Variants in PPP2R2B observed in about 807,000 individuals in gnomAD.
The protein encoded by PPP2R2B is protein phosphatase 2 regulatory subunit Bbeta.
Under a neutral mutation model 46.0 loss-of-function variants are expected in PPP2R2B, and 5 were observed. That is an observed-to-expected ratio of 0.11 (90% CI 0.06 to 0.23). The LOEUF (loss-of-function observed/expected upper bound fraction) is 0.23. Among genes scored for constraint, PPP2R2B ranks in the 10% least tolerant of loss-of-function variants. The pLI, the probability that PPP2R2B is intolerant of heterozygous loss-of-function variation, is 1.00. For missense variants in PPP2R2B, 367 were observed against 575.0 expected, an observed-to-expected ratio of 0.64 and a Z score of 3.70; for synonymous variants, 215 against 206.7, an observed-to-expected ratio of 1.04 and a Z score of -0.34.
At chr5:146,935,844 T>C (rs547799197) in intron 1 of PPP2R2B, among the ~76,000 whole-genome samples, 10 of 152,204 alleles carry the variant, frequency 6.6e-5, no homozygotes, top group Non-Finnish European at 1.3e-4. Flanking sequence ...GGTCTGCATA[T>C]GCTTGGACTC....
At chr5:147,057,279 T>C (rs1757118837), upstream of PPP2R2B, among the ~76,000 whole-genome samples, 1 of 152,192 alleles carries the variant, frequency 6.6e-6, no homozygotes, top group South Asian at 2.1e-4. Flanking sequence ...ATTACCTCCT[T>C]AGACCCAGGG....
intron 1 of PPP2R2B, among the ~76,000 whole-genome samples, chr5:146,997,317 C>T (rs1469505385): frequency 6.6e-6 from 1 of 152,180 alleles, no homozygotes; most frequent in Non-Finnish European, 1.5e-5. Flanking sequence ...TCTACTCTGA[C>T]CCCTGGTAAA....
chr5:146,965,138 G>A (rs1752346996), intron 1 of PPP2R2B, among the ~76,000 whole-genome samples: 1 of 152,118 alleles, frequency 6.6e-6, no homozygotes, highest in Non-Finnish European at 1.5e-5. Context: ...CAGTCACTCA[G>A]TTAGTTTGAT....
chr5:146,657,990 C>T (rs1031410807), intron 5 of PPP2R2B, among the ~76,000 whole-genome samples: 1 of 152,172 alleles, frequency 6.6e-6, no homozygotes, highest in East Asian at 1.9e-4. Context: ...CCAGATAAGG[C>T]CTTCAACAAA....
chr5:146,655,973 A>G (rs778291100), intron 5 of PPP2R2B, among the ~76,000 whole-genome samples: 1 of 152,148 alleles, frequency 6.6e-6, no homozygotes, highest in Non-Finnish European at 1.5e-5. Context: ...CAGAGGAGAG[A>G]CAGCAAAGTA....
intron 1 of PPP2R2B, among the ~76,000 whole-genome samples, chr5:146,884,807 A>G (rs1762271175): frequency 6.6e-6 from 1 of 152,334 alleles, no homozygotes; most frequent in Admixed American, 6.5e-5. Context: ...CTCCAGGGAT[A>G]TACTAGTACC....
In PPP2R2B at chr5:146,600,271, G is replaced by A. The variant is rs540200978; in HGVS notation, c.960+20C>T. 6.2e-7 allele frequency: 1 copy of A among 1,611,224 alleles called. No homozygotes were observed. Among genetic ancestry groups the A allele is most frequent in the Admixed American group, 1.7e-5 (1 of 59,560 alleles). On this transcript the variant is annotated intron_variant, in intron 8 of 9. Transcript: ENST00000394411. ...TGAAGGGAATGTTCAATATACCTATGGGTGCCTGGGGTTCTATACCTGGTA... is the reference window on the plus strand; with the variant it reads ...TGAAGGGAATGTTCAATATACCTATAGGTGCCTGGGGTTCTATACCTGGTA...
rs76129136 is a variant in PPP2R2B, at chr5:146,895,471, T to A, written c.79+160194A>T. Among the ~76,000 whole-genome samples the A allele has an allele frequency of 7.1e-3, 1,075 of 152,314 alleles. 11 individuals carry two copies. The highest frequency in any genetic ancestry group is 0.024 in the African/African-American group (995 of 41,556). ...TATTCACTATTGGATTCCCAGTGCCTAAGTACTGACACACAAAAGTTTGTT... is the reference window on the plus strand; with the variant it reads ...TATTCACTATTGGATTCCCAGTGCCAAAGTACTGACACACAAAAGTTTGTT... On this transcript the variant is annotated intron_variant, in intron 1 of 8. Coordinates refer to the PPP2R2B transcript ENST00000336640.
chr5:146,892,507 T>C (rs1762519640), intron 1 of PPP2R2B, among the ~76,000 whole-genome samples: 1 of 152,184 alleles, frequency 6.6e-6, no homozygotes, highest in Admixed American at 6.5e-5. Context: ...CTCTCTCTGC[T>C]TAGCATATAT....
At chr5:147,072,911 A>C (rs1757644663) in intron 2 of PPP2R2B, among the ~76,000 whole-genome samples, 1 of 152,182 alleles carries the variant, frequency 6.6e-6, no homozygotes, top group Non-Finnish European at 1.5e-5. Flanking sequence ...ATTGGCTTCC[A>C]ATCTAGCCAG....
chr5:146,968,225 G>A (rs557490278), intron 1 of PPP2R2B, among the ~76,000 whole-genome samples: 1 of 152,124 alleles, frequency 6.6e-6, no homozygotes, highest in East Asian at 1.9e-4. Context: ...ACCCTTTTTT[G>A]AACCTTTCCT....
chr5:147,077,020 T>A (rs1442302561), intron 2 of PPP2R2B, among the ~76,000 whole-genome samples: 1 of 136,072 alleles, frequency 7.3e-6, no homozygotes, highest in Non-Finnish European at 1.5e-5. Context: ...AATTTGAACA[T>A]CTTATAACAA....
chr5:146,806,123 T>C (rs142722206), intron 2 of PPP2R2B, among the ~76,000 whole-genome samples: 21 of 152,252 alleles, frequency 1.4e-4, no homozygotes, highest in East Asian at 1.2e-3. Context: ...CCACTGAACA[T>C]ATGAAGAAGC....
chr5:146,877,262 C>T (rs907044813), intron 2 of PPP2R2B, among the ~76,000 whole-genome samples: 17 of 152,192 alleles, frequency 1.1e-4, no homozygotes, highest in African/African-American at 2.9e-4. Flanking sequence ...GAGGGAGAGA[C>T]GACAATTTCA....
intron 1 of PPP2R2B, chr5:147,055,601 T>C: frequency 1.4e-6 from 2 of 1,424,078 alleles, no homozygotes; most frequent in Admixed American, 1.7e-5. Context: ...GCAGAACCCG[T>C]GGGAAGTCAG....
At chr5:147,002,187 G>T (rs1278790978) in intron 1 of PPP2R2B, among the ~76,000 whole-genome samples, 3 of 152,062 alleles carry the variant, frequency 2.0e-5, no homozygotes, top group Admixed American at 1.3e-4. Context: ...CCAGGACTCT[G>T]TTACCTTCTT....
Position 146,836,157 on chromosome 5 carries a change from A to G in PPP2R2B, c.70+41845T>C, listed in dbSNP as rs116291858. On this transcript the variant is annotated intron_variant, in intron 2 of 9. Coordinates refer to ENST00000394411, the MANE Select transcript of PPP2R2B (RefSeq NM_181675.4). ...TAAGGTCTTCAGAGTAATTCTGCCT[A>G]CTATGCCCTCCCCATGCAGCTGCCA... Among the ~76,000 whole-genome samples the G allele has an allele frequency of 4.9e-3, 744 of 152,304 alleles. 4 individuals are homozygous for G. Among genetic ancestry groups the G allele is most frequent in the African/African-American group, 0.017 (701 of 41,568 alleles).
chr5:146,642,023 C>G (rs1561796590), intron 6 of PPP2R2B, among the ~76,000 whole-genome samples: 1 of 152,164 alleles, frequency 6.6e-6, no homozygotes. Flanking sequence ...TTCTTCTTGA[C>G]CTGACTGCTT....
chr5:146,924,935 A>G lies in PPP2R2B; in HGVS notation c.79+130730T>C, dbSNP rs144424961. Among the ~76,000 whole-genome samples the G allele has an allele frequency of 5.0e-3, 756 of 152,164 alleles. 5 individuals are homozygous for G. The highest frequency in any genetic ancestry group is 8.8e-3 in the Non-Finnish European group (597 of 67,994). ...GTGCTACATTTTCTTTATCCAGTCTATCACTGATGGGCATTTGGGTTGGTT... is the reference window on the plus strand; with the variant it reads ...GTGCTACATTTTCTTTATCCAGTCTGTCACTGATGGGCATTTGGGTTGGTT... On this transcript the variant is annotated intron_variant, in intron 1 of 8. Coordinates refer to the PPP2R2B transcript ENST00000336640.
Sources: gnomAD v4.1 joint callset for allele counts (sites outside exome capture counted in the v4.1 genomes callset) on GRCh38, gnomAD v4.1.1 for gene constraint, MANE v1.5 for transcripts, NCBI Gene and HGNC (gene_info 2026-07-23, HGNC 2026-07-21) for gene names.